TTLL5: variants seen among roughly 807,000 people sequenced by gnomAD.
TTLL5 encodes the protein tubulin polyglutamylase TTLL5.
A neutral mutation model predicts 168.4 loss-of-function variants in TTLL5; 132 were observed. The observed-to-expected ratio is 0.78, with a 90% CI of 0.68 to 0.91. The LOEUF is 0.91. Ranked by LOEUF, TTLL5 falls within the 40% of genes least tolerant of loss-of-function variation. TTLL5 has a pLI of 0.00. For missense variants in TTLL5, 1,545 were observed against 1,581.5 expected, an observed-to-expected ratio of 0.98 and a Z score of 0.39; for synonymous variants, 546 against 558.6, an observed-to-expected ratio of 0.98 and a Z score of 0.32.
At chr14:75,952,611 A>T (rs1197758945) in intron 31 of TTLL5, among the ~76,000 whole-genome samples, 2 of 152,234 alleles carry the variant, frequency 1.3e-5, no homozygotes, top group East Asian at 3.8e-4. Flanking sequence ...AACAACCCAA[A>T]TGTCCACAAC....
intron 31 of TTLL5, among the ~76,000 whole-genome samples, chr14:75,912,053 GCT>G: frequency 1.5e-5 from 1 of 68,310 alleles, no homozygotes; most frequent in Non-Finnish European, 3.0e-5. Context: ...CTGAACAGCA[GCT>G]CGGGTTAGCC....
chr14:75,816,614 C>T (rs1894420858), intron 27 of TTLL5, among the ~76,000 whole-genome samples: 1 of 152,152 alleles, frequency 6.6e-6, no homozygotes, highest in African/African-American at 2.4e-5. Context: ...AAAGTGTGCA[C>T]ATTGTTTATT....
intron 30 of TTLL5, chr14:75,887,432 C>G: frequency 1.5e-6 from 1 of 659,904 alleles, no homozygotes; most frequent in Non-Finnish European, 1.9e-6. Context: ...TAACCATGTT[C>G]TGCCAGCTTT....
chr14:75,792,483 C>T (rs1056139202), intron 26 of TTLL5, among the ~76,000 whole-genome samples: 1 of 151,710 alleles, frequency 6.6e-6, no homozygotes, highest in Non-Finnish European at 1.5e-5. Context: ...CCCTGTTTCC[C>T]TTTTGAGCTT....
chr14:75,893,497 A>T (rs997528337), intron 30 of TTLL5, among the ~76,000 whole-genome samples: 2 of 152,210 alleles, frequency 1.3e-5, no homozygotes, highest in African/African-American at 4.8e-5. Flanking sequence ...TTCAGTCTAG[A>T]ATTTTATACA....
chr14:75,870,521 C>G (rs956536069), intron 29 of TTLL5, among the ~76,000 whole-genome samples: 4 of 152,272 alleles, frequency 2.6e-5, no homozygotes, highest in Middle Eastern at 3.4e-3. Flanking sequence ...ATGGGTTTAG[C>G]ACCTAACAAC....
At chr14:75,706,520 A>ATTAAACACCTATCTCATT (rs1886670086) in intron 7 of TTLL5, among the ~76,000 whole-genome samples, 1 of 152,224 alleles carries the variant, frequency 6.6e-6, no homozygotes, top group Non-Finnish European at 1.5e-5. Flanking sequence ...AAGTGAATCA[A>ATTAAACACCTATCTCATT]TTAAACACCT....
At chr14:75,835,326 G>A (rs1486888150) in intron 28 of TTLL5, 2 of 152,208 alleles carry the variant, frequency 1.3e-5, no homozygotes, top group African/African-American at 2.4e-5. Flanking sequence ...TGTCCATTAG[G>A]TGTCTATAGT....
intron 28 of TTLL5, among the ~76,000 whole-genome samples, chr14:75,825,656 C>T (rs1449459045): frequency 6.6e-6 from 1 of 152,072 alleles, no homozygotes; most frequent in Non-Finnish European, 1.5e-5. Flanking sequence ...CAAAGAGAAA[C>T]TACTTTTTGT....
chr14:75,756,492 G>A (rs1457843988), intron 18 of TTLL5, among the ~76,000 whole-genome samples: 1 of 139,376 alleles, frequency 7.2e-6, no homozygotes, highest in Non-Finnish European at 1.5e-5. Context: ...ACATAAATGA[G>A]TACAAGTAAA....
intron 31 of TTLL5, among the ~76,000 whole-genome samples, chr14:75,951,363 A>G (rs1233738809): frequency 6.6e-6 from 1 of 152,190 alleles, no homozygotes; most frequent in East Asian, 1.9e-4. Context: ...AAATAAATAC[A>G]TAACCTTTTC....
At position 75,749,506 on chromosome 14, in the gene TTLL5, A is replaced by C. The variant is rs1237464969; in HGVS notation, c.1488-3387A>C. On this transcript the variant is annotated intron_variant, in intron 17 of 31. Coordinates refer to ENST00000298832, the MANE Select transcript of TTLL5 (RefSeq NM_015072.5). The stretch of plus-strand genomic sequence containing the variant: ...TTGAGCTTCAGAATTGGACGGACTT[A>C]TATTCCTATTGTAAGCAAGGTTGGT... Among the ~76,000 whole-genome samples, 3 of 152,186 alleles carry C rather than the reference A, an allele frequency of 2.0e-5. No individual in the cohort carries two copies. In the East Asian group the frequency reaches 5.8e-4, roughly 29 times the overall value.
chr14:75,844,349 A>G (rs1280651215), intron 28 of TTLL5, among the ~76,000 whole-genome samples: 2 of 152,170 alleles, frequency 1.3e-5, no homozygotes, highest in East Asian at 3.8e-4. Flanking sequence ...TGGTTTTGCA[A>G]CTTTGTCAGA....
Position 75,874,933 on chromosome 14 carries a change from C to CCTTTTTTTTTTTTTTTTTTTTTT in TTLL5, c.3523-7752_3523-7751insCTTTTTTTTTTTTTTTTTTTTTT, listed in dbSNP as rs778792332. ...AGAGAAAAAAAAAGACACTGGGGGC[C>CCTTTTTTTTTTTTTTTTTTTTTT]TTTTTTTTTTTTTTTTTTGAGACGG... On this transcript the variant is annotated intron_variant, in intron 29 of 31. Coordinates refer to ENST00000298832, the MANE Select transcript of TTLL5 (RefSeq NM_015072.5). Among the ~76,000 whole-genome samples the CCTTTTTTTTTTTTTTTTTTTTTT allele has an allele frequency of 5.4e-4, 53 of 97,532 alleles. 11 individuals carry two copies. Among genetic ancestry groups the CCTTTTTTTTTTTTTTTTTTTTTT allele is most frequent in the African/African-American group, 2.1e-3 (43 of 20,372 alleles). The allele number at this position is 97,532 out of a possible 152,430, so 64.0% of individuals were successfully genotyped here. A position where few individuals can be genotyped will look rare whatever the true frequency, so the allele number is the denominator to read the frequency against.
At chr14:75,857,771 C>G (rs1465217736) in intron 28 of TTLL5, among the ~76,000 whole-genome samples, 1 of 151,956 alleles carries the variant, frequency 6.6e-6, no homozygotes, top group East Asian at 1.9e-4. Flanking sequence ...CCTGCCTCAG[C>G]CTCCTGAGTA....
intron 5 of TTLL5, among the ~76,000 whole-genome samples, chr14:75,688,435 C>G (rs1447459916): frequency 1.3e-5 from 2 of 152,210 alleles, no homozygotes; most frequent in African/African-American, 4.8e-5. Flanking sequence ...CTGTGCATGT[C>G]TTCCTCTATA....
At chr14:75,731,922 G>T (rs1437112450) in intron 12 of TTLL5, among the ~76,000 whole-genome samples, 1 of 151,976 alleles carries the variant, frequency 6.6e-6, no homozygotes, top group African/African-American at 2.4e-5. Context: ...GGCAGGGAGG[G>T]ATTGGGGAAG....
intron 12 of TTLL5, among the ~76,000 whole-genome samples, chr14:75,725,650 T>A (rs1175789552): frequency 1.3e-5 from 2 of 152,220 alleles, no homozygotes; most frequent in African/African-American, 4.8e-5. Flanking sequence ...CATGTCCTTA[T>A]GAGTCCGGCC....
chr14:75,891,495 C>G (rs532257617), intron 30 of TTLL5, among the ~76,000 whole-genome samples: 1 of 152,170 alleles, frequency 6.6e-6, no homozygotes, highest in Non-Finnish European at 1.5e-5. Context: ...GTGATAACAC[C>G]AGTGGACAAG....
Sources: gnomAD v4.1 joint callset for allele counts (sites outside exome capture counted in the v4.1 genomes callset) on GRCh38, gnomAD v4.1.1 for gene constraint, MANE v1.5 for transcripts, NCBI Gene and HGNC (gene_info 2026-07-23, HGNC 2026-07-21) for gene names.